IGLL5: variants seen among roughly 807,000 people sequenced by gnomAD.
IGLL5 encodes immunoglobulin lambda like polypeptide 5.
Under a neutral mutation model 20.9 loss-of-function variants are expected in IGLL5, and 30 were observed. The observed-to-expected ratio is 1.44, with a 90% confidence interval of 1.07 to 1.95. The LOEUF (loss-of-function observed/expected upper bound fraction) is 1.95, where lower values mean the gene tolerates loss of function less well. Ranked by LOEUF, IGLL5 falls within the 30% of genes most tolerant of loss-of-function variation. The pLI, the probability that IGLL5 is intolerant of heterozygous loss-of-function variation, is 0.00. For missense variants in IGLL5, 475 were observed against 270.7 expected (o/e 1.75, Z -5.30); for synonymous variants, 203 against 117.3 (o/e 1.73, Z -4.72).
At chr22:22,889,967 G>A (rs2067766396) in intron 1 of IGLL5, among the ~76,000 whole-genome samples, 1 of 151,106 alleles carries the variant, frequency 6.6e-6, no homozygotes, top group Admixed American at 6.6e-5. Context: ...TCAATGGTGT[G>A]TCTGGCTGGC....
intron 1 of IGLL5, among the ~76,000 whole-genome samples, chr22:22,889,482 T>C (rs2067724228): frequency 2.0e-5 from 3 of 151,322 alleles, no homozygotes; most frequent in Admixed American, 1.3e-4. Context: ...AACCAAATCT[T>C]TATAACAAGG....
chr22:22,895,258 CG>C, intron 2 of IGLL5, 116 bp from the exon 3 acceptor site: 1 of 913,886 alleles, frequency 1.1e-6, no homozygotes, highest in Non-Finnish European at 1.7e-6. Context: ...GAGAGAACCC[CG>C]GGTGGACCGG....
At chr22:22,893,942 T>C (rs558043129) in intron 2 of IGLL5, 124 bp downstream of exon 2, 11 of 754,638 alleles carry the variant, frequency 1.5e-5, no homozygotes, top group Middle Eastern at 2.3e-4. Flanking sequence ...CTTACCTTTC[T>C]CCATGGGGCC....
At chr22:22,894,444 A>T (rs570958590) in intron 2 of IGLL5, among the ~76,000 whole-genome samples, 2 of 151,488 alleles carry the variant, frequency 1.3e-5, no homozygotes, top group African/African-American at 4.8e-5. Context: ...GCCAGAATCC[A>T]ACCCTCCCAG....
At chr22:22,894,318 A>G (rs538267050) in intron 2 of IGLL5, among the ~76,000 whole-genome samples, 3 of 151,360 alleles carry the variant, frequency 2.0e-5, no homozygotes, top group East Asian at 2.0e-4. Context: ...AGGTCACCCC[A>G]AGGGGAGACC....
In IGLL5 at chr22:22,893,468, G is replaced by A. The variant is rs115578090; in HGVS notation, c.207-232G>A. On this transcript the variant is annotated intron_variant, in intron 1 of 2. Coordinates refer to ENST00000526893, the MANE Select transcript of IGLL5 (RefSeq NM_001178126.2). The stretch of plus-strand genomic sequence containing the variant: ...CACTCCTCTGCCACACTGCACAGGA[G>A]GGGATGTGTCACTCAGGGAGTTGCT... 9.2e-3 allele frequency among the ~76,000 whole-genome samples: 1,389 copies of A among 151,190 alleles called. 17 individuals are homozygous for A. Among genetic ancestry groups the A allele is most frequent in the South Asian group, 0.028 (131 of 4,724 alleles).
intron 1 of IGLL5, among the ~76,000 whole-genome samples, chr22:22,893,139 G>A (rs5996416): frequency 0.025 from 3,747 of 151,106 alleles, 141 homozygotes; most frequent in African/African-American, 0.075. Flanking sequence ...ATGGATGGAC[G>A]GATGGATGGA....
chr22:22,888,973 G>A (rs188800984), intron 1 of IGLL5, among the ~76,000 whole-genome samples: 17 of 151,374 alleles, frequency 1.1e-4, no homozygotes, highest in Middle Eastern at 3.7e-3. Flanking sequence ...GGAGAGCACA[G>A]GATGAGGCTG....
chr22:22,894,742 T>C, intron 2 of IGLL5, among the ~76,000 whole-genome samples: 1 of 151,246 alleles, frequency 6.6e-6, no homozygotes, highest in East Asian at 2.0e-4. Context: ...GGTGAAGGGT[T>C]CTGTGGTCGG....
chr22:22,889,080 T>G lies in IGLL5; in HGVS notation c.206+821T>G, dbSNP rs534139231. Among the ~76,000 whole-genome samples, 3 of 151,214 alleles carry G rather than the reference T, an allele frequency of 2.0e-5. 1 individual carries two copies. The highest frequency in any genetic ancestry group is 7.3e-5 in the African/African-American group (3 of 41,266). On this transcript the variant is annotated intron_variant, in intron 1 of 2. Transcript: ENST00000526893. ...GAGTCCTTGGATGGATTTAGGTAGA[T>G]TGATTATCAGAGTCAGATTTGTGTT...
At position 22,888,751 on chromosome 22, in the gene IGLL5, A is replaced by G. The variant is rs138918935; in HGVS notation, c.206+492A>G. 6.6e-5 allele frequency among the ~76,000 whole-genome samples: 10 copies of G among 151,254 alleles called. 1 individual carries two copies. Among genetic ancestry groups the G allele is most frequent in the East Asian group, 4.1e-4 (2 of 4,912 alleles). On this transcript the variant is annotated intron_variant, in intron 1 of 2. Transcript: ENST00000526893. The stretch of plus-strand genomic sequence containing the variant: ...GCTGTCTGTTCACCAACTTGCACAT[A>G]AATGCTTACTGGGGCCAGGCTCAAG...
chr22:22,888,347 G>C (rs576676969), intron 1 of IGLL5, 88 bp downstream of exon 1: 10 of 1,282,324 alleles, frequency 7.8e-6, no homozygotes, highest in Admixed American at 4.4e-5. Flanking sequence ...AGAGGAGTGA[G>C]GAGGAAGGTT....
intron 1 of IGLL5, among the ~76,000 whole-genome samples, chr22:22,890,085 T>C (rs2067773939): frequency 6.6e-6 from 1 of 150,614 alleles, no homozygotes; most frequent in Non-Finnish European, 1.5e-5. Context: ...ACAACAGTAA[T>C]GTACTCATGT....
chr22:22,888,992 T>G (rs78859994), intron 1 of IGLL5, among the ~76,000 whole-genome samples: 1 of 151,252 alleles, frequency 6.6e-6, no homozygotes, highest in African/African-American at 2.4e-5. Flanking sequence ...TGGGAGCTCC[T>G]GGGTGACTGG....
At chr22:22,890,600 T>C (rs2067811324) in intron 1 of IGLL5, among the ~76,000 whole-genome samples, 1 of 127,748 alleles carries the variant, frequency 7.8e-6, no homozygotes, top group African/African-American at 3.2e-5. Flanking sequence ...TGTGTGTGTG[T>C]ATGTGTACAA....
At chr22:22,894,729 T>G (rs367809371) in intron 2 of IGLL5, among the ~76,000 whole-genome samples, 2 of 151,254 alleles carry the variant, frequency 1.3e-5, no homozygotes, top group African/African-American at 4.8e-5. Context: ...CAGGAACAGC[T>G]GAGGTGAAGG....
At chr22:22,894,038 G>T (rs564611185) in intron 2 of IGLL5, among the ~76,000 whole-genome samples, 1 of 151,418 alleles carries the variant, frequency 6.6e-6, no homozygotes. Context: ...CCCGGGGCCT[G>T]AGCTGGGATT....
intron 1 of IGLL5, among the ~76,000 whole-genome samples, chr22:22,888,528 A>G (rs2067610758): frequency 6.6e-6 from 1 of 151,368 alleles, no homozygotes; most frequent in Non-Finnish European, 1.5e-5. Context: ...TGCCTCAATC[A>G]CCTAGTCCTA....
intron 2 of IGLL5, among the ~76,000 whole-genome samples, chr22:22,894,163 G>A: frequency 6.6e-6 from 1 of 151,514 alleles, no homozygotes; most frequent in African/African-American, 2.4e-5. Context: ...GTGACTCCTG[G>A]GGTCAAGGAC....
Sources: gnomAD v4.1 joint callset for allele counts (sites outside exome capture counted in the v4.1 genomes callset) on GRCh38, gnomAD v4.1.1 for gene constraint, MANE v1.5 for transcripts, NCBI Gene and HGNC (gene_info 2026-07-23, HGNC 2026-07-21) for gene names.